FLT1: variants seen among roughly 807,000 people sequenced by gnomAD.
FLT1 encodes the protein vascular endothelial growth factor receptor 1.
In FLT1, 49 loss-of-function variants were observed where a neutral mutation model predicts 156.3. The observed-to-expected ratio is 0.31, with a 90% confidence interval of 0.25 to 0.40. The LOEUF is 0.40. FLT1 is among the 10% of genes least tolerant of loss of function. The probability of loss-of-function intolerance (pLI) is 1.00; values close to 1 mark genes in which losing one functional copy is unlikely to be tolerated. For synonymous variants in FLT1, 594 were observed against 583.8 expected, an observed-to-expected ratio of 1.02 and a Z score of -0.25; for missense variants, 1,322 against 1,637.2, an observed-to-expected ratio of 0.81 and a Z score of 3.32.
At chr13:28,391,065 A>T (rs1326655662) in intron 12 of FLT1, among the ~76,000 whole-genome samples, 1 of 152,172 alleles carries the variant, frequency 6.6e-6, no homozygotes, top group Non-Finnish European at 1.5e-5. Context: ...TTCTATTCAG[A>T]CCTGAGAGAG....
intron 11 of FLT1, among the ~76,000 whole-genome samples, chr13:28,397,758 G>A: frequency 7.0e-6 from 1 of 143,244 alleles, no homozygotes; most frequent in Non-Finnish European, 1.5e-5. Context: ...CCGTGTGTGT[G>A]TGTGTGTGTG....
chr13:28,408,093 A>G (rs1326980712), intron 10 of FLT1, among the ~76,000 whole-genome samples: 1 of 152,218 alleles, frequency 6.6e-6, no homozygotes, highest in Non-Finnish European at 1.5e-5. Flanking sequence ...TATCTGGAAG[A>G]CAAGCTTTTA....
chr13:28,473,423 T>A (rs533407024), intron 1 of FLT1, among the ~76,000 whole-genome samples: 2 of 151,638 alleles, frequency 1.3e-5, no homozygotes, highest in Non-Finnish European at 2.9e-5. Context: ...GGAGGGTGGA[T>A]CACCTGAGGT....
intron 8 of FLT1, among the ~76,000 whole-genome samples, chr13:28,429,247 A>G (rs573732773): frequency 2.0e-5 from 3 of 152,318 alleles, no homozygotes; most frequent in Admixed American, 6.5e-5. Flanking sequence ...GCAAACAAAC[A>G]CTGCCCTCAT....
At chr13:28,409,471 A>G (rs1876012545) in intron 10 of FLT1, among the ~76,000 whole-genome samples, 2 of 151,894 alleles carry the variant, frequency 1.3e-5, no homozygotes. Flanking sequence ...AGTAGCTGGG[A>G]CTACATGTGT....
In FLT1 at chr13:28,494,850, C is replaced by T; in HGVS notation, c.-7G>A. 1 of 1,548,454 alleles carries T rather than the reference C, an allele frequency of 6.5e-7. No homozygotes were observed. Among genetic ancestry groups the T allele is most frequent in the Non-Finnish European group, 8.7e-7 (1 of 1,153,348 alleles). ...TGTCCCAGTAGCTGACCATGGTGAG[C>T]GCGACGCGGCCTGCTCGCCCGGTGC... is the stretch of plus-strand genomic sequence containing the variant. On this transcript the variant is annotated 5_prime_UTR_variant, in exon 1 of 30. Transcript: ENST00000282397.
intron 12 of FLT1, among the ~76,000 whole-genome samples, chr13:28,392,865 G>T (rs1265556075): frequency 6.6e-6 from 1 of 152,122 alleles, no homozygotes; most frequent in African/African-American, 2.4e-5. Flanking sequence ...GGTCACTGAA[G>T]CTAATTTGTT....
At chr13:28,479,776 C>T (rs1241582374) in intron 1 of FLT1, among the ~76,000 whole-genome samples, 1 of 152,160 alleles carries the variant, frequency 6.6e-6, no homozygotes, top group Non-Finnish European at 1.5e-5. Context: ...GGGATATATA[C>T]CCATACACCT....
intron 15 of FLT1, among the ~76,000 whole-genome samples, chr13:28,346,972 G>C (rs1447502643): frequency 6.6e-6 from 1 of 152,078 alleles, no homozygotes; most frequent in Non-Finnish European, 1.5e-5. Context: ...CAAGGTTAGG[G>C]GCCGGAGGAG....
chr13:28,432,849 C>T (rs894628508), intron 6 of FLT1, among the ~76,000 whole-genome samples: 1 of 152,200 alleles, frequency 6.6e-6, no homozygotes, highest in Non-Finnish European at 1.5e-5. Context: ...TATTAAAACC[C>T]AGAAAATATT....
intron 14 of FLT1, among the ~76,000 whole-genome samples, chr13:28,383,554 T>G (rs994711474): frequency 6.6e-5 from 10 of 152,036 alleles, no homozygotes; most frequent in Admixed American, 6.5e-4. Flanking sequence ...TCCCAGCTAC[T>G]CGGGAGGCTG....
intron 3 of FLT1, among the ~76,000 whole-genome samples, chr13:28,441,094 G>T (rs1372062353): frequency 1.3e-5 from 2 of 152,176 alleles, no homozygotes; most frequent in East Asian, 3.9e-4. Flanking sequence ...CAGAAGTTGG[G>T]GGAGCAGGCT....
chr13:28,338,610 G>A (rs1042024765), intron 17 of FLT1, among the ~76,000 whole-genome samples: 1 of 152,050 alleles, frequency 6.6e-6, no homozygotes, highest in South Asian at 2.1e-4. Flanking sequence ...CTTTCTACTC[G>A]GTCTGGACAT....
rs766441216 is a variant in FLT1, at chr13:28,430,105, G to A, written c.1051C>T (p.Arg351Trp). ...QQVLETVAGK[R>W]SYRLSMKVKA... The stretch of plus-strand genomic sequence containing the variant: ...ACTTTCATAGAGAGCCGGTAAGACC[G>A]CTTGCCAGCTACGGTTTCAAGCACC... Residue 351 changes from arginine to tryptophan, a missense_variant, in exon 8 of 30, where the codon CGG (arginine) becomes TGG (tryptophan). Around this residue, in one of 3 missense-constraint regions of FLT1, gnomAD observed 991 missense variants for 1,254.8 expected, o/e 0.79. Coordinates refer to ENST00000282397, the MANE Select transcript of FLT1 (RefSeq NM_002019.4). The A allele has an allele frequency of 3.7e-5, 59 of 1,613,858 alleles. No individual in the cohort carries two copies. The highest frequency in any genetic ancestry group is 4.7e-5 in the Non-Finnish European group (55 of 1,179,746).
In FLT1 at chr13:28,434,807, C is replaced by G. The variant is rs190724453; in HGVS notation, c.514-587G>C. On this transcript the variant is annotated intron_variant, in intron 4 of 29. Transcript: ENST00000282397. ...CTGAGGCAGGAGAATCGCTTGAACCCGGGAGGCAGAGGTTGCAGTGAGCTG... is the reference window on the plus strand; with the variant it reads ...CTGAGGCAGGAGAATCGCTTGAACCGGGGAGGCAGAGGTTGCAGTGAGCTG... Among the ~76,000 whole-genome samples the G allele has an allele frequency of 4.6e-5, 7 of 152,126 alleles. No homozygotes were observed. The East Asian group carries it at 1.3e-3, about 29-fold the overall frequency.
At position 28,345,559 on chromosome 13, in the gene FLT1, GA is replaced by G. The variant is rs772335549; in HGVS notation, c.2249-9del. The G allele has an allele frequency of 5.7e-5, 89 of 1,551,066 alleles. 1 individual carries two copies. In the Middle Eastern group the frequency reaches 6.8e-4, roughly 12 times the overall value. On this transcript the variant is annotated splice_polypyrimidine_tract_variant and intron_variant, in intron 15 of 29. Transcript: ENST00000282397. ...TAGACTTGTCCGAGGTTCCTGGAGA[GA>G]AAAAAAATCACAATAGTGGTGCAAC...
chr13:28,321,453 A>C lies in FLT1; in HGVS notation c.3174+10T>G. ...CACACATGAGTCAAATAAACATCAA[A>C]CTGACTTACATCTCCTTTTCTCACA... On this transcript the variant is annotated intron_variant, in intron 23 of 29. Transcript: ENST00000282397. The C allele has an allele frequency of 1.2e-6, 2 of 1,613,812 alleles. No homozygotes were observed. Among genetic ancestry groups the C allele is most frequent in the East Asian group, 2.2e-5 (1 of 44,880 alleles).
rs779359571 is a variant in FLT1 at position 28,308,900 on chromosome 13, G to T, written c.3663C>A (p.Ser1221Arg). ...VRYVNAFKFM[S>R]LERIKTFEEL... Reference sequence around the variant, plus strand: ...CTTCAAAGGTTTTGATTCTTTCCAGGCTCATGAACTTGAAAGCATTTACGT... The same window carrying T: ...CTTCAAAGGTTTTGATTCTTTCCAGTCTCATGAACTTGAAAGCATTTACGT... The change falls in exon 28 of 30, where the codon AGC (serine) becomes AGA (arginine). Residue 1221 changes from serine to arginine, a missense_variant. Physicochemically the swap from Ser to Arg is moderately radical, Grantham distance 110. This residue lies in a region of FLT1 where 329 missense variants were observed against 366.2 expected (regional missense o/e 0.90). Transcript: ENST00000282397. 6.2e-7 allele frequency: 1 copy of T among 1,610,142 alleles called. No individual in the cohort carries two copies. The highest frequency in any genetic ancestry group is 1.1e-5 in the South Asian group (1 of 90,984).
chr13:28,376,358 TG>T (rs1191359361), intron 14 of FLT1, among the ~76,000 whole-genome samples: 2 of 152,288 alleles, frequency 1.3e-5, no homozygotes, highest in Non-Finnish European at 2.9e-5. Context: ...AACTCTTTGT[TG>T]TTCTAATACT....
Sources: gnomAD v4.1 joint callset for allele counts (sites outside exome capture counted in the v4.1 genomes callset) on GRCh38, gnomAD v4.1.1 for gene constraint, gnomAD v4.1.1 regional missense constraint, MANE v1.5 for transcripts, NCBI Gene and HGNC (gene_info 2026-07-23, HGNC 2026-07-21) for gene names.